Variants in KNTC1 observed in about 807,000 individuals in gnomAD.
The protein encoded by KNTC1 is kinetochore-associated protein 1.
In KNTC1, 253 loss-of-function variants were observed where a neutral mutation model predicts 314.4. The observed-to-expected ratio is 0.80, with a 90% confidence interval of 0.73 to 0.89. KNTC1 has a LOEUF of 0.89. Ranked by LOEUF, KNTC1 falls within the 40% of genes least tolerant of loss-of-function variation. The probability of loss-of-function intolerance (pLI) is 0.00; values close to 1 mark genes in which losing one functional copy is unlikely to be tolerated. For missense variants in KNTC1, 2,475 were observed against 2,572.9 expected (o/e 0.96, Z 0.82); for synonymous variants, 901 against 901.4 (o/e 1.00, Z 0.01).
chr12:122,593,951 T>C (rs758768831), intron 42 of KNTC1: 3 of 210,636 alleles, frequency 1.4e-5, no homozygotes, highest in Non-Finnish European at 2.8e-5. Flanking sequence ...AGTTGACTTA[T>C]CAGAAAGGTA....
In KNTC1 at chr12:122,580,059, A is replaced by G. The variant is rs1464790788; in HGVS notation, c.2914+82A>G. The G allele has an allele frequency of 5.7e-6, 5 of 872,034 alleles. No individual in the cohort carries two copies. In the African/African-American group the frequency reaches 6.7e-5, roughly 12 times the overall value. 54.0% of individuals were successfully genotyped at this position (872,034 alleles called of 1,614,324 possible). On this transcript the variant is annotated intron_variant, in intron 32 of 63. Transcript: ENST00000333479. Reference sequence around the variant, plus strand: ...GAAAGAGGCATCGAAGACAACTCTCACCGTACCCGCAGTTTTTCTGGTTCT... The same window carrying G: ...GAAAGAGGCATCGAAGACAACTCTCGCCGTACCCGCAGTTTTTCTGGTTCT...
Position 122,539,764 on chromosome 12 carries a change from C to CA in KNTC1, c.445+10_445+11insA. On this transcript the variant is annotated intron_variant, in intron 5 of 63. Coordinates refer to ENST00000333479, the MANE Select transcript of KNTC1 (RefSeq NM_014708.6). ...GATGGTTCAAATGAAGGTAAGTTTT[C>CA]CTGAATTTTTTTTTGAATGACTTTT... 6.8e-7 allele frequency: 1 copy of CA among 1,471,154 alleles called. No individual in the cohort carries two copies. Among genetic ancestry groups the CA allele is most frequent in the African/African-American group, 1.5e-5 (1 of 68,602 alleles). The allele number at this position is 1,471,154 out of a possible 1,614,324, so 91.1% of individuals were successfully genotyped here.
intron 6 of KNTC1, 144 bp downstream of exon 6, chr12:122,542,271 T>G: frequency 1.7e-6 from 1 of 575,366 alleles, no homozygotes; most frequent in Non-Finnish European, 2.9e-6. Flanking sequence ...TGTTAAGTAT[T>G]CAGAATACAG....
chr12:122,582,638 G>T, intron 33 of KNTC1, 67 bp from the exon 34 acceptor site: 3 of 1,369,148 alleles, frequency 2.2e-6, no homozygotes, highest in Non-Finnish European at 3.0e-6. Context: ...AAAAACTAAT[G>T]AAAATGATTA....
At chr12:122,548,216 A>G (rs1962929263) in intron 12 of KNTC1, among the ~76,000 whole-genome samples, 1 of 152,060 alleles carries the variant, frequency 6.6e-6, no homozygotes, top group African/African-American at 2.4e-5. Flanking sequence ...TTTTATTATT[A>G]TTATTTTTTT....
At position 122,587,490 on chromosome 12, in the gene KNTC1, A is replaced by C. The variant is rs1011292510; in HGVS notation, c.3731-221A>C. On this transcript the variant is annotated intron_variant, in intron 38 of 63. Coordinates refer to ENST00000333479, the MANE Select transcript of KNTC1 (RefSeq NM_014708.6). The stretch of plus-strand genomic sequence containing the variant: ...TGGAGAAATGGTTTTTCTTCAGCTA[A>C]AATAGGCAAGTTACAATCAAAGGAT... 4.6e-5 allele frequency among the ~76,000 whole-genome samples: 7 copies of C among 152,274 alleles called. No individual in the cohort carries two copies. In the East Asian group the frequency reaches 1.3e-3, roughly 29 times the overall value.
rs1184599948 is a variant in KNTC1, at chr12:122,551,309, G to A, written c.1087-10G>A. 2 of 1,511,592 alleles carry A rather than the reference G, an allele frequency of 1.3e-6. No homozygotes were observed. The highest frequency in any genetic ancestry group is 1.2e-5 in the South Asian group (1 of 84,578). The allele number at this position is 1,511,592 out of a possible 1,614,324, so 93.6% of individuals were successfully genotyped here. A position where few individuals can be genotyped will look rare whatever the true frequency, so the allele number is the denominator to read the frequency against. On this transcript the variant is annotated splice_polypyrimidine_tract_variant and intron_variant, in intron 13 of 63. Transcript: ENST00000333479. ...ATTGGAATTTTAATCATGTTTTTTT[G>A]TTATTGTAGGATACCATATACCTTT...
chr12:122,577,876 A>G (rs536041280), intron 31 of KNTC1, 85 bp downstream of exon 31: 4 of 1,230,040 alleles, frequency 3.3e-6, no homozygotes, highest in South Asian at 3.3e-5. Flanking sequence ...ACTTACACAT[A>G]TGAAGATCTG....
At chr12:122,588,523 G>A (rs537194782) in intron 39 of KNTC1, among the ~76,000 whole-genome samples, 189 bp from the exon 40 acceptor site, 11 of 152,238 alleles carry the variant, frequency 7.2e-5, no homozygotes, top group African/African-American at 2.6e-4. Flanking sequence ...TGAAGACTTA[G>A]GGTATTTTTA....
intron 33 of KNTC1, among the ~76,000 whole-genome samples, chr12:122,581,749 C>T (rs1310482069): frequency 6.6e-6 from 1 of 152,166 alleles, no homozygotes; most frequent in Non-Finnish European, 1.5e-5. Context: ...CCCGCCTCAG[C>T]CTCCCAAAAT....
chr12:122,572,844 G>A (rs989877844), intron 24 of KNTC1, 93 bp from the exon 25 acceptor site: 2 of 1,061,778 alleles, frequency 1.9e-6, no homozygotes, highest in Non-Finnish European at 2.7e-6. Flanking sequence ...CATAACCAGG[G>A]TTAATTCTTA....
rs181317016 is a variant in KNTC1 at position 122,577,348 on chromosome 12, T to C, written c.2721+319T>C. ...TATCTAGGATCGTATTTTAAATTTA[T>C]TTTATTGTTTGCTGTCATCAAAAAT... On this transcript the variant is annotated intron_variant, in intron 30 of 63. Transcript: ENST00000333479. Among the ~76,000 whole-genome samples the C allele has an allele frequency of 8.1e-4, 124 of 152,304 alleles. 1 individual carries two copies. The highest frequency in any genetic ancestry group is 3.4e-3 in the Middle Eastern group (1 of 294).
intron 42 of KNTC1, among the ~76,000 whole-genome samples, chr12:122,592,032 G>A (rs1351825566): frequency 3.9e-5 from 6 of 152,184 alleles, no homozygotes; most frequent in African/African-American, 1.2e-4. Flanking sequence ...AGGGAGAGGC[G>A]CGAGCAGGAA....
chr12:122,542,272 C>G, intron 6 of KNTC1, 145 bp downstream of exon 6: 2 of 571,140 alleles, frequency 3.5e-6, no homozygotes, highest in Non-Finnish European at 5.8e-6. Flanking sequence ...GTTAAGTATT[C>G]AGAATACAGT....
intron 21 of KNTC1, among the ~76,000 whole-genome samples, chr12:122,568,838 A>G (rs963628734): frequency 6.6e-6 from 1 of 152,082 alleles, no homozygotes; most frequent in Non-Finnish European, 1.5e-5. Context: ...TCCGTCCCAA[A>G]AAAAAGAAAA....
chr12:122,584,109 G>A (rs552903321), intron 34 of KNTC1, among the ~76,000 whole-genome samples, 169 bp from the exon 35 acceptor site: 1 of 152,278 alleles, frequency 6.6e-6, no homozygotes, highest in East Asian at 1.9e-4. Context: ...AGGCGATAGG[G>A]CTAGAGCCTG....
intron 44 of KNTC1, among the ~76,000 whole-genome samples, chr12:122,600,440 CAATT>C (rs1303464098): frequency 6.6e-6 from 1 of 152,110 alleles, no homozygotes; most frequent in Non-Finnish European, 1.5e-5. Flanking sequence ...ATATGCCACA[CAATT>C]AATTCTTGCA....
chr12:122,589,930 C>T (rs1431604672), intron 40 of KNTC1, among the ~76,000 whole-genome samples: 1 of 151,624 alleles, frequency 6.6e-6, no homozygotes, highest in Non-Finnish European at 1.5e-5. Flanking sequence ...ACTACAGGTG[C>T]CCACCACCAC....
Position 122,613,610 on chromosome 12 carries a change from C to A in KNTC1, c.5742-16C>A. ...GGCCTATGAGAATGATTCTTAGAAA[C>A]GTTTCTGTTTTCCAGATCTTATTTG... is the stretch of plus-strand genomic sequence containing the variant. On this transcript the variant is annotated splice_polypyrimidine_tract_variant and intron_variant, in intron 54 of 63. Transcript: ENST00000333479. 1.3e-6 allele frequency: 2 copies of A among 1,580,208 alleles called. No individual in the cohort carries two copies. The highest frequency in any genetic ancestry group is 1.9e-5 in the Admixed American group (1 of 52,554).
Sources: allele counts gnomAD v4.1 joint callset (sites outside exome capture counted in the v4.1 genomes callset), GRCh38; gene constraint gnomAD v4.1.1; transcripts MANE v1.5; gene names NCBI Gene and HGNC (gene_info 2026-07-23, HGNC 2026-07-21).